THSD7A: variants seen among roughly 807,000 people sequenced by gnomAD.
THSD7A encodes thrombospondin type-1 domain-containing protein 7A.
A neutral mutation model predicts 231.3 loss-of-function variants in THSD7A; 96 were observed. The ratio of observed to expected loss-of-function variants is 0.41; its 90% CI spans 0.35 to 0.49. The LOEUF (loss-of-function observed/expected upper bound fraction) is 0.49. Ranked by LOEUF, THSD7A falls within the 20% of genes least tolerant of loss-of-function variation. THSD7A has a pLI of 0.05. For missense variants in THSD7A, 2,290 were observed against 2,070.2 expected (o/e 1.11, Z -2.06); for synonymous variants, 940 against 743.3 (o/e 1.26, Z -4.30).
chr7:11,517,338 A>G (rs1312024650), intron 6 of THSD7A, among the ~76,000 whole-genome samples: 1 of 152,098 alleles, frequency 6.6e-6, no homozygotes, highest in Non-Finnish European at 1.5e-5. Flanking sequence ...TCGGCCTCCC[A>G]AAGTGCTGGG....
chr7:11,475,704 T>A (rs938531298), intron 7 of THSD7A, among the ~76,000 whole-genome samples: 2 of 150,228 alleles, frequency 1.3e-5, no homozygotes, highest in Non-Finnish European at 3.0e-5. Context: ...CTGGTTACTA[T>A]AATTAAAATC....
chr7:11,452,800 A>G (rs1424357374), intron 11 of THSD7A, among the ~76,000 whole-genome samples: 1 of 152,036 alleles, frequency 6.6e-6, no homozygotes, highest in Admixed American at 6.6e-5. Context: ...CAAAACCCCA[A>G]ATTAACGAGG....
Position 11,371,148 on chromosome 7 carries a change from C to T in THSD7A, c.*4646G>A, listed in dbSNP as rs551690757. On this transcript the variant is annotated 3_prime_UTR_variant, in exon 28 of 28. Transcript: ENST00000423059. ...CAGAAAAATAAAAATGCAAAATTAA[C>T]TGTTTAGCATTAGTTTCATTCATTT... 4 of 152,308 alleles carry T rather than the reference C, an allele frequency of 2.6e-5. No individual in the cohort carries two copies. The highest frequency in any genetic ancestry group is 4.4e-5 in the Non-Finnish European group (3 of 68,018). 9.4% of individuals were successfully genotyped at this position (152,308 alleles called of 1,614,324 possible).
chr7:11,375,887 AAATTCGG>A lies in THSD7A; in HGVS notation c.4890-16_4890-10del. ...GTTTCTTTGGCTTTTTGCTGTAAAA[AAATTCGG>A]AATTAGGAGAAAGAAAATCAGTTTC... On this transcript the variant is annotated splice_polypyrimidine_tract_variant and intron_variant, in intron 27 of 27. Transcript: ENST00000423059. 6.2e-7 allele frequency: 1 copy of A among 1,612,162 alleles called. No homozygotes were observed. The highest frequency in any genetic ancestry group is 8.5e-7 in the Non-Finnish European group (1 of 1,178,700).
intron 1 of THSD7A, among the ~76,000 whole-genome samples, chr7:11,766,338 C>A (rs968739313): frequency 1.3e-5 from 2 of 152,144 alleles, no homozygotes; most frequent in Non-Finnish European, 1.5e-5. Context: ...ATCTGAACAG[C>A]AATTTTATCA....
intron 23 of THSD7A, among the ~76,000 whole-genome samples, chr7:11,394,328 C>T (rs1280022033): frequency 6.6e-6 from 1 of 152,138 alleles, no homozygotes; most frequent in Non-Finnish European, 1.5e-5. Context: ...ATTTTGTCAC[C>T]AGCAGGCCTG....
chr7:11,805,002 G>A (rs1004318896), intron 1 of THSD7A, among the ~76,000 whole-genome samples: 2 of 152,090 alleles, frequency 1.3e-5, no homozygotes, highest in African/African-American at 2.4e-5. Context: ...TTGGTAAAGA[G>A]CTGAAACCTT....
rs1781805623 is a variant in THSD7A at position 11,733,472 on chromosome 7, T to C, written c.191-96511A>G. On this transcript the variant is annotated intron_variant, in intron 1 of 27. Coordinates refer to ENST00000423059, the MANE Select transcript of THSD7A (RefSeq NM_015204.3). ...TTCAAAAATAATGGAATTTCAAGAG[T>C]TTTGGATAACTTTATCTGATCCTTT... 2.6e-5 allele frequency among the ~76,000 whole-genome samples: 4 copies of C among 151,562 alleles called. No individual in the cohort carries two copies. The South Asian group carries it at 8.3e-4, about 31-fold the overall frequency.
intron 11 of THSD7A, among the ~76,000 whole-genome samples, chr7:11,449,823 TA>T (rs376369934): frequency 1.3e-5 from 2 of 151,868 alleles, no homozygotes; most frequent in African/African-American, 4.8e-5. Flanking sequence ...CCAAGGATGC[TA>T]AAAAAATTGA....
rs1039490312 is a variant in THSD7A at position 11,374,478 on chromosome 7, C to T, written c.*1316G>A. ...CTATGGATTTTGAAATAACTGCCTG[C>T]AAGACAGACATTCAATCTGAAACTG... On this transcript the variant is annotated 3_prime_UTR_variant, in exon 28 of 28. Transcript: ENST00000423059. The T allele has an allele frequency of 1.3e-5, 2 of 151,988 alleles. No individual in the cohort carries two copies. The highest frequency in any genetic ancestry group is 2.9e-5 in the Non-Finnish European group (2 of 67,974). The allele number at this position is 151,988 out of a possible 1,614,324, so 9.4% of individuals were successfully genotyped here.
chr7:11,506,857 C>G (rs1261263270), intron 6 of THSD7A, among the ~76,000 whole-genome samples: 6 of 150,574 alleles, frequency 4.0e-5, no homozygotes, highest in Non-Finnish European at 4.4e-5. Flanking sequence ...CCACCTGTCA[C>G]TCTCCATCAC....
At chr7:11,798,172 C>T (rs1305534362) in intron 1 of THSD7A, among the ~76,000 whole-genome samples, 1 of 152,018 alleles carries the variant, frequency 6.6e-6, no homozygotes, top group Admixed American at 6.6e-5. Context: ...CTTCTTACTA[C>T]TATCATACAT....
chr7:11,426,707 G>C lies in THSD7A; in HGVS notation c.3244-36C>G, dbSNP rs755249217. 5.2e-6 allele frequency: 8 copies of C among 1,551,348 alleles called. No individual in the cohort carries two copies. In the East Asian group the frequency reaches 1.9e-4, roughly 36 times the overall value. On this transcript the variant is annotated intron_variant, in intron 14 of 27. Coordinates refer to ENST00000423059, the MANE Select transcript of THSD7A (RefSeq NM_015204.3). The stretch of plus-strand genomic sequence containing the variant: ...GTTCAACAGGAATGATGAAAAGGGA[G>C]AGAAATAAGGTAGGTGAAAATGTCA...
intron 2 of THSD7A, among the ~76,000 whole-genome samples, chr7:11,628,200 G>A (rs1487723180): frequency 6.6e-6 from 1 of 152,060 alleles, no homozygotes; most frequent in Non-Finnish European, 1.5e-5. Context: ...AGACCTGCAG[G>A]ATATAAAGTC....
intron 1 of THSD7A, among the ~76,000 whole-genome samples, chr7:11,680,911 T>C (rs886551033): frequency 2.6e-5 from 4 of 152,184 alleles, no homozygotes; most frequent in African/African-American, 7.2e-5. Context: ...CATATGTTTA[T>C]TGCAGCACTT....
At chr7:11,709,522 G>T (rs1321564648) in intron 1 of THSD7A, among the ~76,000 whole-genome samples, 3 of 150,682 alleles carry the variant, frequency 2.0e-5, no homozygotes, top group Non-Finnish European at 4.5e-5. Context: ...ATAATGGAAG[G>T]AACCAGGAAT....
At chr7:11,749,724 T>C (rs1264974699) in intron 1 of THSD7A, among the ~76,000 whole-genome samples, 1 of 152,052 alleles carries the variant, frequency 6.6e-6, no homozygotes, top group African/African-American at 2.4e-5. Flanking sequence ...AGCTATCATA[T>C]GGCAAAGGTG....
At chr7:11,657,885 A>G (rs1007074451) in intron 1 of THSD7A, among the ~76,000 whole-genome samples, 1 of 151,794 alleles carries the variant, frequency 6.6e-6, no homozygotes, top group African/African-American at 2.4e-5. Context: ...TACTCAAAGG[A>G]AAAGATTCTG....
intron 1 of THSD7A, among the ~76,000 whole-genome samples, chr7:11,699,296 A>G (rs1780502219): frequency 6.6e-6 from 1 of 151,318 alleles, no homozygotes; most frequent in Admixed American, 6.6e-5. Context: ...TTAAAGTAAA[A>G]TTTAAGACCC....
Sources: gnomAD v4.1 joint callset for allele counts (sites outside exome capture counted in the v4.1 genomes callset) on GRCh38, gnomAD v4.1.1 for gene constraint, MANE v1.5 for transcripts, NCBI Gene and HGNC (gene_info 2026-07-23, HGNC 2026-07-21) for gene names.